The following FMN1 variants were observed in gnomAD, a reference collection of about 807,000 sequenced individuals.
The protein encoded by FMN1 is formin 1, also known as formin-1.
Under a neutral mutation model 132.4 loss-of-function variants are expected in FMN1, and 110 were observed. The ratio of observed to expected loss-of-function variants is 0.83; its 90% confidence interval spans 0.71 to 0.97. FMN1 has a LOEUF of 0.97. Among genes scored for constraint, FMN1 ranks in the 50% least tolerant of loss-of-function variants. The pLI is 0.00. For missense variants in FMN1, 1,792 were observed against 1,705.3 expected (o/e 1.05, Z -0.90); for synonymous variants, 722 against 651.7 (o/e 1.11, Z -1.64).
At chr15:32,950,417 C>G (rs1380101850) in intron 9 of FMN1, among the ~76,000 whole-genome samples, 13 of 151,960 alleles carry the variant, frequency 8.6e-5, no homozygotes, top group Admixed American at 8.5e-4. Context: ...TTCACAATAG[C>G]AAAGACATGG....
intron 9 of FMN1, among the ~76,000 whole-genome samples, chr15:32,962,007 C>G (rs963438151): frequency 1.3e-5 from 2 of 152,090 alleles, no homozygotes; most frequent in African/African-American, 4.8e-5. Context: ...AGACCTCACC[C>G]CCACCCTACT....
At chr15:32,887,715 T>A (rs1353625700) in intron 16 of FMN1, among the ~76,000 whole-genome samples, 1 of 152,228 alleles carries the variant, frequency 6.6e-6, no homozygotes, top group Non-Finnish European at 1.5e-5. Flanking sequence ...TGAGTTCTAA[T>A]TAGACAGACT....
At chr15:33,042,705 A>G (rs1338757936) in intron 6 of FMN1, among the ~76,000 whole-genome samples, 1 of 152,190 alleles carries the variant, frequency 6.6e-6, no homozygotes, top group Admixed American at 6.5e-5. Flanking sequence ...AAAACTGATA[A>G]TAACAGCTTA....
intron 4 of FMN1, among the ~76,000 whole-genome samples, chr15:33,114,615 A>C (rs1234309120): frequency 6.6e-6 from 1 of 152,140 alleles, no homozygotes; most frequent in Non-Finnish European, 1.5e-5. Flanking sequence ...AAAAGCACTT[A>C]GGATTTCCTT....
intron 7 of FMN1, among the ~76,000 whole-genome samples, chr15:32,972,075 G>T (rs2031839402): frequency 6.6e-6 from 1 of 152,160 alleles, no homozygotes; most frequent in South Asian, 2.1e-4. Flanking sequence ...GTACCTGACA[G>T]AGCGGATATG....
At chr15:33,145,397 A>G (rs1964176653) in intron 4 of FMN1, among the ~76,000 whole-genome samples, 1 of 151,834 alleles carries the variant, frequency 6.6e-6, no homozygotes, top group Admixed American at 6.6e-5. Context: ...CAATAGGGAC[A>G]CTGCTTCCCC....
intron 4 of FMN1, among the ~76,000 whole-genome samples, chr15:33,091,524 C>T (rs1348006834): frequency 6.6e-6 from 1 of 152,128 alleles, no homozygotes; most frequent in Non-Finnish European, 1.5e-5. Flanking sequence ...AACCATGATG[C>T]ATAATAATTT....
intron 4 of FMN1, among the ~76,000 whole-genome samples, chr15:33,111,186 G>C (rs1372466268): frequency 6.6e-6 from 1 of 151,988 alleles, no homozygotes; most frequent in Admixed American, 6.6e-5. Context: ...TTTTTAAAAT[G>C]TACATTGTAA....
chr15:33,118,411 G>A (rs2040010451), intron 4 of FMN1, among the ~76,000 whole-genome samples: 3 of 152,180 alleles, frequency 2.0e-5, no homozygotes. Flanking sequence ...CAGAAAAATG[G>A]AGATCATGGC....
At chr15:32,977,870 T>C (rs2032337067) in intron 7 of FMN1, among the ~76,000 whole-genome samples, 1 of 151,958 alleles carries the variant, frequency 6.6e-6, no homozygotes, top group South Asian at 2.1e-4. Context: ...ATTCTTTTTT[T>C]TTTTTTTTCT....
chr15:32,777,011 T>C (rs1210872702), intron 19 of FMN1, 92 bp from the exon 20 acceptor site: 5 of 702,734 alleles, frequency 7.1e-6, no homozygotes, highest in Non-Finnish European at 1.2e-5. Flanking sequence ...AGGTTAAACA[T>C]AAACCCAAAT....
chr15:33,051,256 A>T (rs928791862), intron 6 of FMN1, among the ~76,000 whole-genome samples: 1 of 152,126 alleles, frequency 6.6e-6, no homozygotes, highest in Non-Finnish European at 1.5e-5. Flanking sequence ...GTCCTCTTTA[A>T]TCAGAATTGA....
intron 4 of FMN1, among the ~76,000 whole-genome samples, chr15:33,103,295 T>C (rs2039363255): frequency 6.6e-6 from 1 of 152,116 alleles, no homozygotes; most frequent in South Asian, 2.1e-4. Context: ...CCAAGAGACC[T>C]TGGCAATTTG....
chr15:32,874,688 G>T (rs940711492), intron 16 of FMN1, among the ~76,000 whole-genome samples: 1 of 152,116 alleles, frequency 6.6e-6, no homozygotes, highest in Non-Finnish European at 1.5e-5. Context: ...CTAGAAAATG[G>T]GGATAAAACT....
rs554988824 is a variant in FMN1, at chr15:33,154,752, C to T, written c.163G>A (p.Glu55Lys). The change falls in exon 4 of 21, where the codon GAG (glutamate) becomes AAG (lysine). Residue 55 changes from glutamate (E) to lysine (K), a missense_variant. This residue lies in a region of FMN1 where 638 missense variants were observed against 645.2 expected (regional missense o/e 0.99). Transcript: ENST00000616417. ...KGFHNCYQVR[E>K]ESDIISLSQE... ...CTGAGGCTGATGATGTCTGACTCCTCCCTGACTTGGTAGCAGTTATGAAAA... is the reference window on the plus strand; with the variant it reads ...CTGAGGCTGATGATGTCTGACTCCTTCCTGACTTGGTAGCAGTTATGAAAA... The T allele has an allele frequency of 7.8e-6, 12 of 1,535,990 alleles. No individual in the cohort carries two copies. Among genetic ancestry groups the T allele is most frequent in the Non-Finnish European group, 5.2e-6 (6 of 1,146,928 alleles).
At chr15:32,805,974 T>C (rs1388358123) in intron 17 of FMN1, among the ~76,000 whole-genome samples, 1 of 151,684 alleles carries the variant, frequency 6.6e-6, no homozygotes, top group Non-Finnish European at 1.5e-5. Context: ...AGGTTTCATT[T>C]TGGGGTGGTT....
At chr15:32,893,432 G>T (rs147371129) in intron 15 of FMN1, among the ~76,000 whole-genome samples, 2 of 152,248 alleles carry the variant, frequency 1.3e-5, no homozygotes, top group Admixed American at 6.5e-5. Context: ...AGTGTATCAG[G>T]CTGGTAGCAG....
chr15:32,846,477 G>C (rs1357734706), intron 17 of FMN1, among the ~76,000 whole-genome samples: 1 of 152,118 alleles, frequency 6.6e-6, no homozygotes, highest in Non-Finnish European at 1.5e-5. Flanking sequence ...CAACATCACT[G>C]ATCATTAGAG....
chr15:32,812,652 T>C, intron 17 of FMN1, among the ~76,000 whole-genome samples: 1 of 152,248 alleles, frequency 6.6e-6, no homozygotes, highest in East Asian at 1.9e-4. Flanking sequence ...ATTCATGTCA[T>C]GTCAGTGCTC....
Sources: gnomAD v4.1 joint callset for allele counts (sites outside exome capture counted in the v4.1 genomes callset) on GRCh38, gnomAD v4.1.1 for gene constraint, gnomAD v4.1.1 regional missense constraint, MANE v1.5 for transcripts, NCBI Gene and HGNC (gene_info 2026-07-23, HGNC 2026-07-21) for gene names.